Variants in MNAT1 observed in about 807,000 individuals in gnomAD.
MNAT1 encodes the protein MNAT1 component of CDK activating kinase.
MNAT1 carries 43 observed loss-of-function variants against 42.0 expected under a neutral mutation model. The observed-to-expected ratio is 1.02, with a 90% CI of 0.80 to 1.32. The LOEUF (loss-of-function observed/expected upper bound fraction) is 1.32, where lower values mean the gene tolerates loss of function less well. Ranked by LOEUF, MNAT1 falls within the 40% of genes most tolerant of loss-of-function variation. The probability of loss-of-function intolerance (pLI) is 0.00; values close to 1 mark genes in which losing one functional copy is unlikely to be tolerated. For missense variants in MNAT1, 306 were observed against 350.4 expected (o/e 0.87, Z 1.01); for synonymous variants, 118 against 120.0 (o/e 0.98, Z 0.11).
At chr14:60,772,137 A>G (rs2031082855) in intron 1 of MNAT1, among the ~76,000 whole-genome samples, 2 of 152,182 alleles carry the variant, frequency 1.3e-5, no homozygotes, top group South Asian at 2.1e-4. Flanking sequence ...ATTTAAAATT[A>G]AGATCAAAAC....
At chr14:60,866,478 G>A (rs2034205511) in intron 6 of MNAT1, among the ~76,000 whole-genome samples, 2 of 151,964 alleles carry the variant, frequency 1.3e-5, no homozygotes, top group Admixed American at 6.6e-5. Context: ...AAAATGACTA[G>A]CTTAGTTCCT....
chr14:60,789,199 G>A (rs1566766133), intron 1 of MNAT1, among the ~76,000 whole-genome samples: 2 of 152,108 alleles, frequency 1.3e-5, no homozygotes, highest in Non-Finnish European at 2.9e-5. Context: ...TGAGAAGAGG[G>A]AGAGAGTTGG....
At chr14:60,929,472 G>A (rs1387449479) in intron 7 of MNAT1, among the ~76,000 whole-genome samples, 1 of 151,804 alleles carries the variant, frequency 6.6e-6, no homozygotes, top group Non-Finnish European at 1.5e-5. Flanking sequence ...ATGTGGTGTG[G>A]GCTAAAGGTC....
intron 1 of MNAT1, among the ~76,000 whole-genome samples, chr14:60,744,682 T>C (rs1896563202): frequency 6.6e-6 from 1 of 152,232 alleles, no homozygotes; most frequent in Non-Finnish European, 1.5e-5. Flanking sequence ...ACCCATTGTT[T>C]CCTTACTTTA....
At chr14:60,937,237 C>G (rs188333772) in intron 7 of MNAT1, among the ~76,000 whole-genome samples, 1 of 152,120 alleles carries the variant, frequency 6.6e-6, no homozygotes, top group African/African-American at 2.4e-5. Context: ...TTAATTAGAT[C>G]CTGTTTGTCA....
chr14:60,925,032 A>T (rs1041444698), intron 7 of MNAT1, among the ~76,000 whole-genome samples: 2 of 152,188 alleles, frequency 1.3e-5, no homozygotes. Context: ...TTGGCTGTCC[A>T]TTCATGGGTC....
intron 1 of MNAT1, among the ~76,000 whole-genome samples, chr14:60,780,947 C>A (rs560075641): frequency 6.6e-6 from 1 of 152,184 alleles, no homozygotes; most frequent in African/African-American, 2.4e-5. Flanking sequence ...AGTAGCTTGA[C>A]TCAGTATAGG....
At position 60,741,669 on chromosome 14, in the gene MNAT1, T is replaced by TTTG. The variant is rs1566747162; in HGVS notation, c.89+6720_89+6721insGTT. ...CCACTGCGCCTGGGGTTTTTTTTTT[T>TTTG]TTTTTTTTTTTAATTTTTAGTAGAG... On this transcript the variant is annotated intron_variant, in intron 1 of 7. Transcript: ENST00000261245. Among the ~76,000 whole-genome samples, 11 of 147,090 alleles carry TTTG rather than the reference T, an allele frequency of 7.5e-5. 1 individual carries two copies. Among genetic ancestry groups the TTTG allele is most frequent in the African/African-American group, 2.5e-4 (10 of 40,228 alleles).
intron 7 of MNAT1, among the ~76,000 whole-genome samples, chr14:60,941,515 C>T (rs2036158556): frequency 6.6e-6 from 1 of 152,026 alleles, no homozygotes. Context: ...GCTTGGGCAA[C>T]ATTGCAAGAA....
chr14:60,909,400 T>TGC (rs2035292675), intron 7 of MNAT1, among the ~76,000 whole-genome samples: 1 of 152,234 alleles, frequency 6.6e-6, no homozygotes, highest in African/African-American at 2.4e-5. Context: ...TCCTTGCCCA[T>TGC]GCCTATGTCC....
chr14:60,813,685 T>C (rs1171315388), intron 5 of MNAT1, among the ~76,000 whole-genome samples: 1 of 152,200 alleles, frequency 6.6e-6, no homozygotes, highest in African/African-American at 2.4e-5. Flanking sequence ...TTTCTAGAAT[T>C]TGGCATAATA....
At chr14:60,940,962 GA>G (rs2036144749) in intron 7 of MNAT1, among the ~76,000 whole-genome samples, 1 of 152,108 alleles carries the variant, frequency 6.6e-6, no homozygotes, top group African/African-American at 2.4e-5. Context: ...TGAAACTCTA[GA>G]TAATGTTAAC....
chr14:60,925,026 C>A (rs1276062308), intron 7 of MNAT1, among the ~76,000 whole-genome samples: 1 of 152,166 alleles, frequency 6.6e-6, no homozygotes, highest in African/African-American at 2.4e-5. Context: ...ATACAGTTGG[C>A]TGTCCATTCA....
rs2036439078 is a variant in MNAT1, at chr14:60,954,303, G to C, written c.810-13926G>C. Among the ~76,000 whole-genome samples, 4 of 152,064 alleles carry C rather than the reference G, an allele frequency of 2.6e-5. No individual in the cohort carries two copies. In the South Asian group the frequency reaches 8.3e-4, roughly 31 times the overall value. ...CAGTGATGGAATCATTGAATCTGTT[G>C]ATCACTTTGGATTTTATGGACATTT... is the stretch of plus-strand genomic sequence containing the variant. On this transcript the variant is annotated intron_variant, in intron 7 of 7. Transcript: ENST00000261245.
intron 1 of MNAT1, among the ~76,000 whole-genome samples, chr14:60,766,485 C>T (rs972518182): frequency 1.4e-4 from 22 of 151,988 alleles, no homozygotes; most frequent in African/African-American, 2.2e-4. Context: ...AGGCCAAGGC[C>T]GGTGGATCAT....
chr14:60,799,896 C>G (rs1481051551), intron 3 of MNAT1, among the ~76,000 whole-genome samples: 1 of 152,030 alleles, frequency 6.6e-6, no homozygotes, highest in African/African-American at 2.4e-5. Context: ...AGCTGTGGCT[C>G]AGACCATTTA....
intron 1 of MNAT1, among the ~76,000 whole-genome samples, chr14:60,763,115 A>G (rs2030677459): frequency 6.6e-6 from 1 of 152,206 alleles, no homozygotes; most frequent in Non-Finnish European, 1.5e-5. Flanking sequence ...GTTAAACTAA[A>G]TTAGGGAAGT....
In MNAT1 at chr14:60,760,911, G is replaced by A. The variant is rs532844370; in HGVS notation, c.89+25960G>A. 1.2e-4 allele frequency among the ~76,000 whole-genome samples: 18 copies of A among 152,302 alleles called. No individual in the cohort carries two copies. In the South Asian group the frequency reaches 3.7e-3, roughly 32 times the overall value. ...TGATTTTCATGATGGTAGCCTAGGT[G>A]TTCTCATTCAACAGCAGCTTTAGCA... On this transcript the variant is annotated intron_variant, in intron 1 of 7. Transcript: ENST00000261245.
rs530327079 is a variant in MNAT1 at position 60,783,698 on chromosome 14, G to A, written c.90-12519G>A. On this transcript the variant is annotated intron_variant, in intron 1 of 7. Coordinates refer to ENST00000261245, the MANE Select transcript of MNAT1 (RefSeq NM_002431.4). ...TTTTCAGTAGAGACAGGGTTTCACC[G>A]TGTTAGCCAGGACGGTCTCGATCTC... Among the ~76,000 whole-genome samples the A allele has an allele frequency of 5.9e-5, 9 of 152,182 alleles. No individual in the cohort carries two copies. The East Asian group carries it at 7.8e-4, about 13-fold the overall frequency.
Sources: allele counts gnomAD v4.1 joint callset (sites outside exome capture counted in the v4.1 genomes callset), GRCh38; gene constraint gnomAD v4.1.1; transcripts MANE v1.5; gene names NCBI Gene and HGNC (gene_info 2026-07-23, HGNC 2026-07-21).